Variants in VEGFC observed in about 807,000 individuals in gnomAD.
The protein encoded by VEGFC is FLT4 ligand DHM.
In VEGFC, 12 loss-of-function variants were observed where a neutral mutation model predicts 46.1. The observed-to-expected ratio is 0.26, with a 90% confidence interval of 0.17 to 0.42. VEGFC has a LOEUF of 0.42. Ranked by LOEUF, VEGFC falls within the 10% of genes least tolerant of loss-of-function variation. The pLI is 1.00. For synonymous variants in VEGFC, 232 were observed against 195.5 expected (o/e 1.19, Z -1.56); for missense variants, 488 against 529.4 (o/e 0.92, Z 0.77).
intron 1 of VEGFC, among the ~76,000 whole-genome samples, chr4:176,768,508 A>ATATATATATATATATATATT (rs1735669341): frequency 6.9e-6 from 1 of 144,888 alleles, no homozygotes; most frequent in Non-Finnish European, 1.5e-5. Flanking sequence ...ATATATATAT[A>ATATATATATATATATATATT]TATATTTCAA....
At chr4:176,694,655 C>T (rs1373961777) in intron 4 of VEGFC, among the ~76,000 whole-genome samples, 1 of 150,900 alleles carries the variant, frequency 6.6e-6, no homozygotes, top group East Asian at 1.9e-4. Context: ...GAACTCTCCA[C>T]CCCAAATCAA....
chr4:176,687,962 TAA>T (rs751882994), intron 4 of VEGFC, 35 bp from the exon 5 acceptor site: 2 of 1,323,806 alleles, frequency 1.5e-6, no homozygotes. Flanking sequence ...AGCAATGGTG[TAA>T]CTGGTACCTA....
intron 1 of VEGFC, among the ~76,000 whole-genome samples, chr4:176,784,756 C>CAAAAAAA (rs5864405): frequency 3.0e-4 from 7 of 22,982 alleles, no homozygotes; most frequent in African/African-American, 5.3e-4. Flanking sequence ...GAGTCTGTCT[C>CAAAAAAA]AAAAAAAAAA....
intron 4 of VEGFC, among the ~76,000 whole-genome samples, chr4:176,700,550 C>T (rs1305734283): frequency 6.6e-6 from 1 of 152,136 alleles, no homozygotes; most frequent in Non-Finnish European, 1.5e-5. Context: ...TGTGTGGTCA[C>T]CAACTGGCTA....
chr4:176,735,190 TTA>T (rs1334432907), intron 1 of VEGFC, among the ~76,000 whole-genome samples: 1 of 151,910 alleles, frequency 6.6e-6, no homozygotes, highest in Non-Finnish European at 1.5e-5. Context: ...CCATGTTCTA[TTA>T]TAATTTCTGA....
chr4:176,691,333 GTATT>G (rs1397201022), intron 4 of VEGFC, among the ~76,000 whole-genome samples: 1 of 152,102 alleles, frequency 6.6e-6, no homozygotes, highest in Non-Finnish European at 1.5e-5. Flanking sequence ...TTTGTATAGT[GTATT>G]TATAAAAGAC....
At chr4:176,784,353 AG>A (rs1208151251) in intron 1 of VEGFC, among the ~76,000 whole-genome samples, 1 of 152,008 alleles carries the variant, frequency 6.6e-6, no homozygotes, top group African/African-American at 2.4e-5. Context: ...TACAGACGTG[AG>A]CCACCACACC....
chr4:176,694,632 A>C (rs558561066), intron 4 of VEGFC, among the ~76,000 whole-genome samples: 1 of 151,636 alleles, frequency 6.6e-6, no homozygotes, highest in Non-Finnish European at 1.5e-5. Flanking sequence ...AGCGGACCTA[A>C]TAGACATCTA....
chr4:176,782,558 A>C lies in VEGFC; in HGVS notation c.147+9607T>G, dbSNP rs141810016. ...AATTACTATGAAGAAAATCACATTA[A>C]AATGTTAATTTGAATTCTATAATTG... On this transcript the variant is annotated intron_variant, in intron 1 of 6. Transcript: ENST00000618562. Among the ~76,000 whole-genome samples, 807 of 152,234 alleles carry C rather than the reference A, an allele frequency of 5.3e-3. 4 individuals are homozygous for C. Among genetic ancestry groups the C allele is most frequent in the Non-Finnish European group, 9.2e-3 (623 of 68,018 alleles).
chr4:176,723,300 T>G (rs1734819462), intron 3 of VEGFC, among the ~76,000 whole-genome samples: 1 of 152,080 alleles, frequency 6.6e-6, no homozygotes, highest in African/African-American at 2.4e-5. Flanking sequence ...GATACATATA[T>G]GTATATCTGT....
At chr4:176,776,882 T>G (rs1735822351) in intron 1 of VEGFC, among the ~76,000 whole-genome samples, 1 of 152,208 alleles carries the variant, frequency 6.6e-6, no homozygotes, top group Admixed American at 6.5e-5. Flanking sequence ...GTATCAATAT[T>G]TATAGTTATT....
chr4:176,709,031 G>T (rs1037190848), intron 4 of VEGFC, among the ~76,000 whole-genome samples: 1 of 152,182 alleles, frequency 6.6e-6, no homozygotes, highest in African/African-American at 2.4e-5. Context: ...CTTACTCTAA[G>T]ACTCAGGCTC....
intron 4 of VEGFC, among the ~76,000 whole-genome samples, chr4:176,711,031 C>T (rs9715473): frequency 6.6e-6 from 1 of 151,202 alleles, no homozygotes; most frequent in East Asian, 2.1e-4. Flanking sequence ...TACACATATA[C>T]ACACACACAC....
intron 1 of VEGFC, among the ~76,000 whole-genome samples, chr4:176,754,767 C>G (rs1294802792): frequency 6.6e-6 from 1 of 152,020 alleles, no homozygotes; most frequent in East Asian, 1.9e-4. Flanking sequence ...CATTATTCTG[C>G]TTACCACAGG....
At chr4:176,741,777 A>G (rs1735179786) in intron 1 of VEGFC, among the ~76,000 whole-genome samples, 2 of 152,128 alleles carry the variant, frequency 1.3e-5, no homozygotes, top group Admixed American at 6.6e-5. Context: ...GATTCACATT[A>G]TACAGTTTCT....
chr4:176,734,238 A>G (rs1735018188), intron 1 of VEGFC, among the ~76,000 whole-genome samples: 1 of 151,844 alleles, frequency 6.6e-6, no homozygotes. Context: ...TAAACATACA[A>G]TAAGTATGGC....
intron 3 of VEGFC, among the ~76,000 whole-genome samples, chr4:176,723,730 G>A (rs975833908): frequency 6.6e-6 from 1 of 150,582 alleles, no homozygotes; most frequent in Non-Finnish European, 1.5e-5. Context: ...GGGGGTGCAT[G>A]TGCAGGTTTG....
chr4:176,765,842 C>T (rs145088442), intron 1 of VEGFC, among the ~76,000 whole-genome samples: 6 of 151,958 alleles, frequency 3.9e-5, no homozygotes, highest in South Asian at 2.1e-4. Context: ...AGTGAGCCAC[C>T]GTGCCCGGCC....
chr4:176,779,131 C>G (rs1022513100), intron 1 of VEGFC, among the ~76,000 whole-genome samples: 2 of 152,008 alleles, frequency 1.3e-5, no homozygotes, highest in Non-Finnish European at 2.9e-5. Context: ...TCAAAGCTAT[C>G]CTAATATAAT....
Sources: allele counts gnomAD v4.1 joint callset (sites outside exome capture counted in the v4.1 genomes callset), GRCh38; gene constraint gnomAD v4.1.1; transcripts MANE v1.5; gene names NCBI Gene and HGNC (gene_info 2026-07-23, HGNC 2026-07-21).